KCTD8: variants seen among roughly 807,000 people sequenced by gnomAD.
The protein encoded by KCTD8 is potassium channel tetramerization domain containing 8.
A neutral mutation model predicts 31.5 loss-of-function variants in KCTD8; 27 were observed. The observed-to-expected ratio is 0.86, with a 90% CI of 0.63 to 1.18. KCTD8 has a LOEUF of 1.18. Among genes scored for constraint, KCTD8 ranks in the 50% most tolerant of loss-of-function variants. KCTD8 has a pLI of 0.00. For synonymous variants in KCTD8, 290 were observed against 280.0 expected, an observed-to-expected ratio of 1.04 and a Z score of -0.36; for missense variants, 658 against 647.7, an observed-to-expected ratio of 1.02 and a Z score of -0.17.
At chr4:44,403,035 G>T (rs1301359710) in intron 1 of KCTD8, among the ~76,000 whole-genome samples, 1 of 152,174 alleles carries the variant, frequency 6.6e-6, no homozygotes, top group African/African-American at 2.4e-5. Flanking sequence ...CCAGAAGCTA[G>T]TCTGTGGGAA....
intron 1 of KCTD8, among the ~76,000 whole-genome samples, chr4:44,339,566 T>C (rs1412716657): frequency 6.6e-6 from 1 of 152,012 alleles, no homozygotes; most frequent in Non-Finnish European, 1.5e-5. Context: ...ACCATGAAAA[T>C]GAGTAGACAT....
chr4:44,342,465 G>A (rs895888251), intron 1 of KCTD8, among the ~76,000 whole-genome samples: 7 of 151,628 alleles, frequency 4.6e-5, no homozygotes, highest in Non-Finnish European at 1.0e-4. Flanking sequence ...ATAAACAGAT[G>A]TGCTCTCATC....
chr4:44,215,890 T>C (rs535724432), intron 1 of KCTD8, among the ~76,000 whole-genome samples: 7 of 151,956 alleles, frequency 4.6e-5, no homozygotes, highest in Non-Finnish European at 1.0e-4. Context: ...AGGTACCCTG[T>C]GTGATGTCAC....
At chr4:44,278,302 T>C (rs558491626) in intron 1 of KCTD8, among the ~76,000 whole-genome samples, 9 of 152,134 alleles carry the variant, frequency 5.9e-5, no homozygotes, top group Admixed American at 3.3e-4. Context: ...CTACACAATA[T>C]GTCCCCAATA....
At chr4:44,414,914 C>G (rs73812279) in intron 1 of KCTD8, among the ~76,000 whole-genome samples, 7,899 of 152,124 alleles carry the variant, frequency 0.052, 689 homozygotes, top group African/African-American at 0.18. Context: ...AACTGGGTAA[C>G]AGGTGGAGAT....
intron 1 of KCTD8, among the ~76,000 whole-genome samples, chr4:44,405,163 A>G (rs773386377): frequency 1.4e-5 from 2 of 147,426 alleles, no homozygotes; most frequent in South Asian, 2.2e-4. Context: ...ACGTGCTTAC[A>G]TGGTCTTAGG....
intron 1 of KCTD8, among the ~76,000 whole-genome samples, chr4:44,277,813 A>G (rs900700567): frequency 6.6e-6 from 1 of 151,924 alleles, no homozygotes; most frequent in Non-Finnish European, 1.5e-5. Flanking sequence ...TAATCATCCA[A>G]CCAGTAAGTT....
At chr4:44,406,738 A>G (rs7673214) in intron 1 of KCTD8, among the ~76,000 whole-genome samples, 3,219 of 152,304 alleles carry the variant, frequency 0.021, 74 homozygotes, top group African/African-American at 0.049. Flanking sequence ...AAAAAATTAG[A>G]TAAAGTTGAA....
intron 1 of KCTD8, among the ~76,000 whole-genome samples, chr4:44,372,714 AATAAG>A (rs1221648569): frequency 1.3e-5 from 2 of 152,220 alleles, no homozygotes; most frequent in Non-Finnish European, 2.9e-5. Context: ...TAAAGCTGAT[AATAAG>A]ATGTCTTTCC....
At chr4:44,214,992 A>C (rs1470525657) in intron 1 of KCTD8, among the ~76,000 whole-genome samples, 1 of 152,202 alleles carries the variant, frequency 6.6e-6, no homozygotes, top group East Asian at 1.9e-4. Context: ...CATTCAGATT[A>C]ATAAAATGGA....
chr4:44,386,047 G>T (rs947281933), intron 1 of KCTD8, among the ~76,000 whole-genome samples: 1 of 151,352 alleles, frequency 6.6e-6, no homozygotes, highest in Non-Finnish European at 1.5e-5. Flanking sequence ...AAAAAAAAAC[G>T]GTTGATTTGT....
intron 1 of KCTD8, among the ~76,000 whole-genome samples, chr4:44,271,659 C>A (rs1427469584): frequency 6.6e-6 from 1 of 152,130 alleles, no homozygotes; most frequent in African/African-American, 2.4e-5. Flanking sequence ...CATTCTTAAG[C>A]CACAAACAAT....
At chr4:44,359,048 G>A (rs1719430628) in intron 1 of KCTD8, among the ~76,000 whole-genome samples, 1 of 152,034 alleles carries the variant, frequency 6.6e-6, no homozygotes, top group South Asian at 2.1e-4. Context: ...GTTATTTGTA[G>A]ATTCTGGATA....
intron 1 of KCTD8, among the ~76,000 whole-genome samples, chr4:44,373,392 A>T (rs888898447): frequency 6.6e-6 from 1 of 151,382 alleles, no homozygotes; most frequent in East Asian, 1.9e-4. Context: ...TACTGTGATG[A>T]CTAAGGGCTC....
intron 1 of KCTD8, among the ~76,000 whole-genome samples, chr4:44,377,277 T>C (rs1297733569): frequency 6.6e-6 from 1 of 152,150 alleles, no homozygotes; most frequent in African/African-American, 2.4e-5. Context: ...GTGAGGGTTT[T>C]CCCTCACACA....
chr4:44,299,502 A>G (rs1289291097), intron 1 of KCTD8, among the ~76,000 whole-genome samples: 1 of 152,094 alleles, frequency 6.6e-6, no homozygotes, highest in Non-Finnish European at 1.5e-5. Context: ...AGGCCAAGGC[A>G]GGCGGATCAC....
chr4:44,180,111 T>C (rs1713334822), intron 1 of KCTD8, among the ~76,000 whole-genome samples: 2 of 152,152 alleles, frequency 1.3e-5, no homozygotes, highest in South Asian at 4.1e-4. Flanking sequence ...CTTCAACTAG[T>C]AATAGAATCA....
At chr4:44,389,759 A>T (rs1720319270) in intron 1 of KCTD8, among the ~76,000 whole-genome samples, 1 of 151,846 alleles carries the variant, frequency 6.6e-6, no homozygotes, top group Non-Finnish European at 1.5e-5. Context: ...ACCACAATTA[A>T]ATTCTTTCAA....
chr4:44,337,131 C>G (rs1345214274), intron 1 of KCTD8, among the ~76,000 whole-genome samples: 1 of 152,056 alleles, frequency 6.6e-6, no homozygotes, highest in Non-Finnish European at 1.5e-5. Flanking sequence ...CAATTATAAA[C>G]TGTATTTTTG....
Sources: gnomAD v4.1 joint callset for allele counts (sites outside exome capture counted in the v4.1 genomes callset) on GRCh38, gnomAD v4.1.1 for gene constraint, MANE v1.5 for transcripts, NCBI Gene and HGNC (gene_info 2026-07-23, HGNC 2026-07-21) for gene names.